SEMA3E: variants seen among roughly 807,000 people sequenced by gnomAD.
SEMA3E encodes the protein semaphorin-3E.
In SEMA3E, 49 loss-of-function variants were observed where a neutral mutation model predicts 93.6. The ratio of observed to expected loss-of-function variants is 0.52; its 90% CI spans 0.42 to 0.66. The LOEUF is 0.66. SEMA3E is among the 30% of genes least tolerant of loss of function. The pLI, the probability that SEMA3E is intolerant of heterozygous loss-of-function variation, is 0.00. For synonymous variants in SEMA3E, 363 were observed against 330.7 expected (o/e 1.10, Z -1.06); for missense variants, 906 against 964.8 (o/e 0.94, Z 0.81).
intron 4 of SEMA3E, among the ~76,000 whole-genome samples, chr7:83,433,874 C>T (rs1282865043): frequency 6.6e-6 from 1 of 151,956 alleles, no homozygotes; most frequent in Non-Finnish European, 1.5e-5. Context: ...AGTTAAACAC[C>T]TTTCACTGAT....
At chr7:83,369,048 C>G (rs551606260) in intron 16 of SEMA3E, among the ~76,000 whole-genome samples, 319 of 152,264 alleles carry the variant, frequency 2.1e-3, no homozygotes, top group African/African-American at 7.3e-3. Context: ...CAATAGCTAC[C>G]TCTACCTTTC....
chr7:83,427,135 T>A (rs2115728976), intron 4 of SEMA3E, among the ~76,000 whole-genome samples: 1 of 152,240 alleles, frequency 6.6e-6, no homozygotes, highest in South Asian at 2.1e-4. Context: ...GGAGGTACAA[T>A]AATTTGCTAA....
chr7:83,587,368 G>A (rs573515390), intron 1 of SEMA3E, among the ~76,000 whole-genome samples: 2 of 152,238 alleles, frequency 1.3e-5, no homozygotes, highest in African/African-American at 2.4e-5. Context: ...AGGTGCTGTA[G>A]GTTTGGCATA....
At chr7:83,575,353 A>G (rs1792377885) in intron 1 of SEMA3E, among the ~76,000 whole-genome samples, 1 of 151,670 alleles carries the variant, frequency 6.6e-6, no homozygotes. Flanking sequence ...TTCTATGACT[A>G]TGAGATTCTC....
At chr7:83,495,544 A>G (rs536633764) in intron 1 of SEMA3E, among the ~76,000 whole-genome samples, 2 of 152,050 alleles carry the variant, frequency 1.3e-5, no homozygotes, top group African/African-American at 4.8e-5. Flanking sequence ...AAGAAGCAGA[A>G]ACATAATTAT....
At chr7:83,470,147 T>C (rs1279481561) in intron 2 of SEMA3E, among the ~76,000 whole-genome samples, 3 of 152,224 alleles carry the variant, frequency 2.0e-5, no homozygotes, top group South Asian at 2.1e-4. Context: ...TCTTCCTTTA[T>C]ACATTCCTTA....
At chr7:83,637,002 T>C (rs1793893626) in intron 1 of SEMA3E, among the ~76,000 whole-genome samples, 1 of 151,382 alleles carries the variant, frequency 6.6e-6, no homozygotes, top group African/African-American at 2.4e-5. Context: ...GAACTGGGTT[T>C]GACTAAAAGC....
intron 1 of SEMA3E, among the ~76,000 whole-genome samples, chr7:83,503,851 C>T (rs1790645541): frequency 6.6e-6 from 1 of 152,190 alleles, no homozygotes; most frequent in Non-Finnish European, 1.5e-5. Context: ...CAAGACTGTA[C>T]TTAATTTGGT....
chr7:83,526,033 G>C (rs1434586135), intron 1 of SEMA3E, among the ~76,000 whole-genome samples: 4 of 151,760 alleles, frequency 2.6e-5, no homozygotes, highest in African/African-American at 9.7e-5. Flanking sequence ...TATTTCAACT[G>C]TGTCTCTGGA....
chr7:83,447,169 C>G (rs1381367949), intron 4 of SEMA3E, among the ~76,000 whole-genome samples: 1 of 152,068 alleles, frequency 6.6e-6, no homozygotes, highest in Non-Finnish European at 1.5e-5. Flanking sequence ...ATATACTGAT[C>G]AATTAATCAA....
chr7:83,477,302 G>C (rs1790035345), intron 2 of SEMA3E, among the ~76,000 whole-genome samples: 1 of 151,860 alleles, frequency 6.6e-6, no homozygotes, highest in Non-Finnish European at 1.5e-5. Flanking sequence ...CTAATGAAAA[G>C]TGTTTGCCTA....
intron 1 of SEMA3E, among the ~76,000 whole-genome samples, chr7:83,553,268 G>A (rs1444976677): frequency 1.3e-5 from 2 of 152,028 alleles, no homozygotes; most frequent in African/African-American, 4.8e-5. Flanking sequence ...ATACTGCATA[G>A]TCTCTTTCCT....
chr7:83,529,959 A>G (rs2535365), intron 1 of SEMA3E, among the ~76,000 whole-genome samples: 6,627 of 152,186 alleles, frequency 0.044, 262 homozygotes, highest in African/African-American at 0.11. Flanking sequence ...AAATTATTAC[A>G]TAAATTATTA....
chr7:83,392,341 C>T (rs149662961), intron 14 of SEMA3E, among the ~76,000 whole-genome samples: 218 of 152,002 alleles, frequency 1.4e-3, no homozygotes, highest in African/African-American at 2.4e-3. Context: ...TATCTGAACT[C>T]GTTTCATGTC....
chr7:83,616,143 T>C (rs1793363391), intron 1 of SEMA3E, among the ~76,000 whole-genome samples: 1 of 152,148 alleles, frequency 6.6e-6, no homozygotes, highest in Non-Finnish European at 1.5e-5. Context: ...AAATAGCTCC[T>C]GATAATTATG....
At chr7:83,512,117 A>G (rs1050673537) in intron 1 of SEMA3E, among the ~76,000 whole-genome samples, 2 of 152,188 alleles carry the variant, frequency 1.3e-5, no homozygotes, top group Non-Finnish European at 2.9e-5. Context: ...TTAGGCCCCT[A>G]AAGACAAATT....
chr7:83,463,779 T>G (rs543357116), intron 4 of SEMA3E, among the ~76,000 whole-genome samples: 1 of 152,264 alleles, frequency 6.6e-6, no homozygotes, highest in African/African-American at 2.4e-5. Context: ...AGGAAATAAC[T>G]TCTCAGTGTT....
At chr7:83,522,553 T>C (rs1791071333) in intron 1 of SEMA3E, among the ~76,000 whole-genome samples, 1 of 152,106 alleles carries the variant, frequency 6.6e-6, no homozygotes, top group Admixed American at 6.6e-5. Flanking sequence ...CCCTCCTTCC[T>C]TGTCCTGATC....
At chr7:83,620,944 A>T (rs1242364245) in intron 1 of SEMA3E, among the ~76,000 whole-genome samples, 1 of 152,162 alleles carries the variant, frequency 6.6e-6, no homozygotes, top group Non-Finnish European at 1.5e-5. Flanking sequence ...CAAGGCAAGA[A>T]TGCCTTCTCT....
Sources: gnomAD v4.1 joint callset for allele counts (sites outside exome capture counted in the v4.1 genomes callset) on GRCh38, gnomAD v4.1.1 for gene constraint, MANE v1.5 for transcripts, NCBI Gene and HGNC (gene_info 2026-07-23, HGNC 2026-07-21) for gene names.